The following LOXL4 variants were observed in gnomAD, a reference collection of about 807,000 sequenced individuals.
LOXL4 encodes lysyl oxidase homolog 4.
In LOXL4, 72 loss-of-function variants were observed where a neutral mutation model predicts 89.1. That is an observed-to-expected ratio of 0.81 (90% CI 0.67 to 0.98). LOXL4 has a LOEUF of 0.98. Ranked by LOEUF, LOXL4 falls within the 50% of genes least tolerant of loss-of-function variation. LOXL4 has a pLI of 0.00. For synonymous variants in LOXL4, 355 were observed against 392.1 expected (o/e 0.91, Z 1.12); for missense variants, 984 against 1,017.5 (o/e 0.97, Z 0.45).
chr10:98,258,052 G>A lies in LOXL4; in HGVS notation c.1034C>T (p.Ala345Val). The change falls in exon 7 of 15, where the codon GCC (alanine) becomes GTC (valine). Residue 345 changes from alanine to valine, a missense_variant. Ala to Val is a moderately conservative substitution (Grantham distance 64, BLOSUM62 0). Transcript: ENST00000260702. ...GCCCAGCTGACGACACACGACACTG[G>A]CAGAGATGAGGTTCCACCTGTGGTC... is the stretch of plus-strand genomic sequence containing the variant. ...VCDHRWNLIS[A>V]SVVCRQLGFG... 1 of 1,613,842 alleles carries A rather than the reference G, an allele frequency of 6.2e-7. No homozygotes were observed. Among genetic ancestry groups the A allele is most frequent in the South Asian group, 1.1e-5 (1 of 91,086 alleles).
chr10:98,258,161 G>T lies in LOXL4; in HGVS notation c.925C>A (p.Pro309Thr). 1 of 1,609,290 alleles carries T rather than the reference G, an allele frequency of 6.2e-7. No homozygotes were observed. The highest frequency in any genetic ancestry group is 8.5e-7 in the Non-Finnish European group (1 of 1,177,298). The change falls in exon 7 of 15, where the codon CCG (proline) becomes ACG (threonine). Residue 309 changes from proline (P) to threonine (T), a missense_variant. By Grantham distance (38) the Pro-to-Thr change is conservative (BLOSUM62 -1). Coordinates refer to ENST00000260702, the MANE Select transcript of LOXL4 (RefSeq NM_032211.7). ...GCCCCGGAGCGCAGGCGCACCCTCG[G>T]CTCCTGCTGGGAGAAACCTGCTTCA... ...PQRKGSWAEE[P>T]RVRLRSGAQV...
Position 98,262,974 on chromosome 10 carries a change from G to C in LOXL4, c.46C>G (p.Leu16Val). 1.2e-6 allele frequency: 2 copies of C among 1,613,754 alleles called. No individual in the cohort carries two copies. The highest frequency in any genetic ancestry group is 1.1e-5 in the South Asian group (1 of 91,086). ...PATLFLFLLL[L>V]GQPPPSRPQS... ...GGCCTGCTGGGAGGGGGCTGGCCTA[G>C]CAGCAGCAGGAACAGAAAGAGGGTG... The change falls in exon 2 of 15, where the codon CTA becomes GTA. Residue 16 changes from leucine to valine, a missense_variant. By Grantham distance (32) the Leu-to-Val change is conservative. Coordinates refer to ENST00000260702, the MANE Select transcript of LOXL4 (RefSeq NM_032211.7).
intron 8 of LOXL4, 104 bp from the exon 9 acceptor site, chr10:98,257,051 G>T: frequency 7.4e-7 from 1 of 1,345,600 alleles, no homozygotes; most frequent in Non-Finnish European, 1.0e-6. Flanking sequence ...TGTCACCCTA[G>T]ACAAGACAGT....
At chr10:98,260,773 C>T (rs1176658683) in intron 4 of LOXL4, 149 bp downstream of exon 4, 6 of 790,618 alleles carry the variant, frequency 7.6e-6, no homozygotes, top group African/African-American at 5.1e-5. Context: ...ATCACACACT[C>T]GCCTGTGTGC....
rs1858098931 is a variant in LOXL4 at position 98,248,428 on chromosome 10, TCCA to T, written c.*490_*492del. The T allele has an allele frequency of 6.4e-6, 1 of 155,048 alleles. No homozygotes were observed. Among genetic ancestry groups the T allele is most frequent in the Non-Finnish European group, 1.4e-5 (1 of 69,650 alleles). 9.6% of individuals were successfully genotyped at this position (155,048 alleles called of 1,614,324 possible). A position where few individuals can be genotyped will look rare whatever the true frequency, so the allele number is the denominator to read the frequency against. On this transcript the variant is annotated 3_prime_UTR_variant, in exon 15 of 15. Transcript: ENST00000260702. ...AACAACAGATGAAGAAAGGATTGGA[TCCA>T]CCAGCTTCTCTGCCAGTTGTGATTT...
intron 14 of LOXL4, among the ~76,000 whole-genome samples, chr10:98,249,328 T>C (rs1325899081): frequency 2.6e-5 from 4 of 152,322 alleles, no homozygotes; most frequent in Middle Eastern, 3.4e-3. Flanking sequence ...TTTGTTTGTT[T>C]GAGTTGGGTC....
rs1419478893 is a variant in LOXL4 at position 98,265,397 on chromosome 10, ATTATT to A, written c.-32-2351_-32-2347del. 1.2e-4 allele frequency among the ~76,000 whole-genome samples: 8 copies of A among 68,922 alleles called. 2 individuals carry two copies. The highest frequency in any genetic ancestry group is 1.8e-4 in the Non-Finnish European group (5 of 27,968). 45.2% of individuals were successfully genotyped at this position (68,922 alleles called of 152,430 possible). A position where few individuals can be genotyped will look rare whatever the true frequency, so the allele number is the denominator to read the frequency against. On this transcript the variant is annotated intron_variant, in intron 1 of 14. Coordinates refer to ENST00000260702, the MANE Select transcript of LOXL4 (RefSeq NM_032211.7). Reference sequence around the variant, plus strand: ...TATTATTATTATTATTATTATTATTATTATTATTATTATTATTATTTTTGAGACAG... The same window carrying A: ...TATTATTATTATTATTATTATTATTAATTATTATTATTATTTTTGAGACAG...
At chr10:98,264,013 G>A (rs1305564751) in intron 1 of LOXL4, among the ~76,000 whole-genome samples, 2 of 152,004 alleles carry the variant, frequency 1.3e-5, no homozygotes, top group African/African-American at 4.8e-5. Context: ...TTACAGGTGT[G>A]AGCCACTGTG....
At chr10:98,249,751 C>G (rs554846550) in intron 14 of LOXL4, among the ~76,000 whole-genome samples, 2 of 152,180 alleles carry the variant, frequency 1.3e-5, no homozygotes, top group African/African-American at 4.8e-5. Context: ...CAGCCTGATT[C>G]TAGCATTATG....
Position 98,262,795 on chromosome 10 carries a change from GC to G in LOXL4, c.224del (p.Gly75AlafsTer6). On this transcript the variant is annotated frameshift_variant, in exon 2 of 15. Transcript: ENST00000260702. LOFTEE classifies it high-confidence loss of function. ...GGGCCCAGGTCAAGGCAGCTTCGAA[GC>G]CCAGCTGGCGGCAAGCCACTGTGGC... ...QEATVACRQL[G>X]FEAALTWAHS... The G allele has an allele frequency of 6.2e-7, 1 of 1,613,456 alleles. No individual in the cohort carries two copies. Among genetic ancestry groups the G allele is most frequent in the African/African-American group, 1.3e-5 (1 of 75,054 alleles).
At position 98,259,041 on chromosome 10, in the gene LOXL4, T is replaced by C. The variant is rs144349320; in HGVS notation, c.889A>G (p.Thr297Ala). The C allele has an allele frequency of 1.3e-6, 2 of 1,559,520 alleles. No homozygotes were observed. Among genetic ancestry groups the C allele is most frequent in the Non-Finnish European group, 1.7e-6 (2 of 1,151,034 alleles). Residue 297 changes from threonine to alanine, a missense_variant, in exon 6 of 15, where the codon ACA becomes GCA. Transcript: ENST00000260702. ...VAGPHFRPPK[T>A]KPQRKGSWAE... ...CAGGACCCTTTGCGTTGTGGCTTTG[T>C]CTTCGGTGGGCGGAAGTGAGGCCCT...
chr10:98,265,731 C>T (rs35768040), intron 1 of LOXL4, among the ~76,000 whole-genome samples: 1,683 of 152,268 alleles, frequency 0.011, 13 homozygotes, highest in Middle Eastern at 0.034. Context: ...ACTGTGACAG[C>T]GACGATAGAA....
rs946420495 is a variant in LOXL4, at chr10:98,261,403, C to T, written c.457-276G>A. 1.3e-4 allele frequency among the ~76,000 whole-genome samples: 20 copies of T among 152,290 alleles called. 1 individual carries two copies. The highest frequency in any genetic ancestry group is 7.8e-4 in the Admixed American group (12 of 15,302). ...GAGAGAACTAGGCAGATCTGGCCCC[C>T]GCTGGGATCAGGATGGGAGCCCTTG... On this transcript the variant is annotated intron_variant, in intron 3 of 14. Transcript: ENST00000260702.
Position 98,267,113 on chromosome 10 carries a change from G to T in LOXL4, c.-33+1019C>A, listed in dbSNP as rs562870654. Among the ~76,000 whole-genome samples, 5 of 152,290 alleles carry T rather than the reference G, an allele frequency of 3.3e-5. No individual in the cohort carries two copies. In the South Asian group the frequency reaches 1.0e-3, roughly 32 times the overall value. ...CTCCATTTTACAGATGAGAAGGTAA[G>T]GTCCAGGGAAGTCAAGTAACTTGCC... On this transcript the variant is annotated intron_variant, in intron 1 of 14. Coordinates refer to ENST00000260702, the MANE Select transcript of LOXL4 (RefSeq NM_032211.7).
In LOXL4 at chr10:98,255,694, T is replaced by C; in HGVS notation, c.1474A>G (p.Met492Val). The C allele has an allele frequency of 6.2e-7, 1 of 1,613,392 alleles. No individual in the cohort carries two copies. ...GTGCCTGAGCAGCGCACCCCACTCA[T>C]CACCACCTCCTGGGCCCTTGGCGTC... ...SGTPRAQEVV[M>V]SGVRCSGTEL... The change falls in exon 10 of 15, where the codon ATG becomes GTG. Residue 492 changes from methionine to valine, a missense_variant. Physicochemically the swap from Met to Val is conservative, Grantham distance 21. Transcript: ENST00000260702.
chr10:98,251,216 G>A, intron 13 of LOXL4, 40 bp from the exon 14 acceptor site: 2 of 1,427,134 alleles, frequency 1.4e-6, no homozygotes, highest in Non-Finnish European at 2.0e-6. Flanking sequence ...GGGTGATTTG[G>A]TTTCTGAATG....
intron 13 of LOXL4, 140 bp downstream of exon 13, chr10:98,251,426 C>A: frequency 8.5e-7 from 1 of 1,181,712 alleles, no homozygotes; most frequent in Non-Finnish European, 1.2e-6. Context: ...ACTGTTACTT[C>A]CCTAACAGGA....
intron 14 of LOXL4, among the ~76,000 whole-genome samples, chr10:98,250,085 A>C (rs868822995): frequency 6.6e-6 from 1 of 152,194 alleles, no homozygotes; most frequent in Non-Finnish European, 1.5e-5. Flanking sequence ...CCATTTTACA[A>C]AACAGAAAAC....
chr10:98,258,001 A>G lies in LOXL4; in HGVS notation c.1085T>C (p.Phe362Ser), dbSNP rs752260102. The change falls in exon 7 of 15, where the codon TTT (phenylalanine) becomes TCT (serine). Residue 362 changes from phenylalanine (F) to serine (S), a missense_variant. Physicochemically the swap from Phe to Ser is radical, Grantham distance 155. Coordinates refer to ENST00000260702, the MANE Select transcript of LOXL4 (RefSeq NM_032211.7). Reference protein sequence around the residue: ...LGFGSAREALFGARLGQGLGP... With the variant: ...LGFGSAREALSGARLGQGLGP... ...CTCACCTTGGCCCAGCCGGGCCCCA[A>G]AGAGGGCCTCCCGAGCAGAGCCAAA... 7.3e-5 allele frequency: 117 copies of G among 1,613,720 alleles called. No homozygotes were observed. The highest frequency in any genetic ancestry group is 9.5e-5 in the Non-Finnish European group (112 of 1,180,004).
Sources: allele counts gnomAD v4.1 joint callset (sites outside exome capture counted in the v4.1 genomes callset), GRCh38; gene constraint gnomAD v4.1.1; transcripts MANE v1.5; gene names NCBI Gene and HGNC (gene_info 2026-07-23, HGNC 2026-07-21).